Variants in LRBA observed in about 807,000 individuals in gnomAD.
LRBA encodes the protein lipopolysaccharide-responsive and beige-like anchor protein.
Under a neutral mutation model 330.0 loss-of-function variants are expected in LRBA, and 176 were observed. The ratio of observed to expected loss-of-function variants is 0.53; its 90% CI spans 0.47 to 0.60. The LOEUF (loss-of-function observed/expected upper bound fraction) is 0.60, where lower values mean the gene tolerates loss of function less well. Ranked by LOEUF, LRBA falls within the 20% of genes least tolerant of loss-of-function variation. The probability of loss-of-function intolerance (pLI) is 0.00; values close to 1 mark genes in which losing one functional copy is unlikely to be tolerated. For missense variants in LRBA, 3,259 were observed against 3,444.8 expected (o/e 0.95, Z 1.35); for synonymous variants, 1,230 against 1,193.0 (o/e 1.03, Z -0.64).
chr4:150,522,539 G>C (rs1763028515), intron 40 of LRBA, among the ~76,000 whole-genome samples: 2 of 152,156 alleles, frequency 1.3e-5, no homozygotes, highest in African/African-American at 4.8e-5. Flanking sequence ...CCTGAGGGTA[G>C]ATCTTTTTCA....
At chr4:150,654,673 C>A (rs1780010181) in intron 37 of LRBA, among the ~76,000 whole-genome samples, 1 of 152,162 alleles carries the variant, frequency 6.6e-6, no homozygotes, top group Non-Finnish European at 1.5e-5. Context: ...AGGTATATCT[C>A]CTAATGCTAT....
chr4:150,833,596 A>C (rs2126834478), intron 28 of LRBA, among the ~76,000 whole-genome samples: 1 of 152,354 alleles, frequency 6.6e-6, no homozygotes, highest in South Asian at 2.1e-4. Context: ...TATCTAAAAA[A>C]AACGCACATA....
chr4:150,383,586 T>C (rs754029464), intron 47 of LRBA, among the ~76,000 whole-genome samples: 15 of 152,084 alleles, frequency 9.9e-5, no homozygotes, highest in Non-Finnish European at 1.0e-4. Flanking sequence ...AAACACACTT[T>C]TTTTGAGAAC....
intron 28 of LRBA, among the ~76,000 whole-genome samples, chr4:150,842,151 T>C (rs570727033): frequency 1.3e-5 from 2 of 152,344 alleles, no homozygotes; most frequent in South Asian, 4.1e-4. Flanking sequence ...GTTTGCAGAA[T>C]ATTGTAATAT....
chr4:150,970,739 G>C (rs1245663973), intron 2 of LRBA: 2 of 152,102 alleles, frequency 1.3e-5, no homozygotes, highest in Non-Finnish European at 2.9e-5. Context: ...TAGCTTCAAA[G>C]ATCAGACAAC....
rs1427773012 is a variant in LRBA at position 150,908,867 on chromosome 4, A to C, written c.1162-10T>G. 1 of 1,585,522 alleles carries C rather than the reference A, an allele frequency of 6.3e-7. No individual in the cohort carries two copies. The highest frequency in any genetic ancestry group is 8.6e-7 in the Non-Finnish European group (1 of 1,156,996). On this transcript the variant is annotated splice_polypyrimidine_tract_variant and intron_variant, in intron 9 of 56. Transcript: ENST00000651943. ...TGAATTTAAATGTACCCTAAGAATT[A>C]ATTAAAAACAGTTAAATAGTATGCC...
At chr4:150,421,423 T>A (rs1748779015) in intron 46 of LRBA, among the ~76,000 whole-genome samples, 1 of 150,614 alleles carries the variant, frequency 6.6e-6, no homozygotes, top group Non-Finnish European at 1.5e-5. Flanking sequence ...AGAATGTAAA[T>A]GTTATTTCTT....
At chr4:150,735,584 T>C (rs1399044615) in intron 35 of LRBA, among the ~76,000 whole-genome samples, 2 of 152,214 alleles carry the variant, frequency 1.3e-5, no homozygotes, top group African/African-American at 2.4e-5. Flanking sequence ...AGACTAGCCA[T>C]GTAACAAAAG....
At chr4:150,482,730 T>C (rs565000083) in intron 42 of LRBA, among the ~76,000 whole-genome samples, 21 of 152,230 alleles carry the variant, frequency 1.4e-4, no homozygotes, top group Middle Eastern at 6.8e-3. Context: ...CGAATAGGTA[T>C]GTCATGGGAT....
rs1315657261 is a variant in LRBA at position 150,896,247 on chromosome 4, G to A, written c.2067+147C>T. On this transcript the variant is annotated intron_variant, in intron 16 of 56. Coordinates refer to ENST00000651943, the MANE Select transcript of LRBA (RefSeq NM_001364905.1). The stretch of plus-strand genomic sequence containing the variant: ...TGGTAATAAAGGATATTTAAATAAA[G>A]ATTGCTAGGGCTTAGTTCCTAAGTA... The A allele has an allele frequency of 8.3e-6, 4 of 480,824 alleles. No individual in the cohort carries two copies. The Admixed American group carries it at 1.3e-4, about 15-fold the overall frequency. 29.8% of individuals were successfully genotyped at this position (480,824 alleles called of 1,614,324 possible).
chr4:150,351,638 G>A (rs1248697492), intron 47 of LRBA, among the ~76,000 whole-genome samples: 2 of 152,026 alleles, frequency 1.3e-5, no homozygotes, highest in Non-Finnish European at 2.9e-5. Flanking sequence ...GCAGTGAGCC[G>A]AGATCGCGCC....
chr4:150,781,519 C>A (rs1738228702), intron 34 of LRBA, among the ~76,000 whole-genome samples: 1 of 152,236 alleles, frequency 6.6e-6, no homozygotes, highest in Admixed American at 6.5e-5. Context: ...CCGCTCACCT[C>A]CTGCATGGCC....
chr4:150,910,526 T>C (rs112481855), intron 9 of LRBA, among the ~76,000 whole-genome samples: 2 of 152,298 alleles, frequency 1.3e-5, no homozygotes, highest in African/African-American at 4.8e-5. Flanking sequence ...TCCCTTGGCC[T>C]ATGTGTCTAA....
At chr4:150,643,188 A>T (rs1290068107) in intron 37 of LRBA, among the ~76,000 whole-genome samples, 1 of 151,978 alleles carries the variant, frequency 6.6e-6, no homozygotes, top group African/African-American at 2.4e-5. Flanking sequence ...ATGAATAACC[A>T]TTCCATTTTA....
chr4:150,470,930 A>G (rs1756048007), intron 43 of LRBA, among the ~76,000 whole-genome samples: 1 of 151,210 alleles, frequency 6.6e-6, no homozygotes, highest in Non-Finnish European at 1.5e-5. Flanking sequence ...TAGCCACCCA[A>G]ATTTATCTTA....
chr4:150,516,218 T>TC (rs1762341000), intron 40 of LRBA, among the ~76,000 whole-genome samples: 2 of 11,642 alleles, frequency 1.7e-4, no homozygotes, highest in African/African-American at 3.3e-4. Flanking sequence ...TTCTATTCTC[T>TC]TTTTTTTTTT....
chr4:150,944,704 T>C (rs1736053530), intron 2 of LRBA, among the ~76,000 whole-genome samples: 1 of 152,164 alleles, frequency 6.6e-6, no homozygotes, highest in African/African-American at 2.4e-5. Flanking sequence ...GTGAAAAAAA[T>C]TCGAGTGGCT....
chr4:150,964,796 G>A (rs1407746075), intron 2 of LRBA, among the ~76,000 whole-genome samples: 1 of 151,650 alleles, frequency 6.6e-6, no homozygotes, highest in Non-Finnish European at 1.5e-5. Flanking sequence ...CCCCCTCTCT[G>A]AGAAACACCC....
chr4:150,862,387 G>T (rs553931979), intron 22 of LRBA, among the ~76,000 whole-genome samples: 49 of 152,256 alleles, frequency 3.2e-4, no homozygotes, highest in African/African-American at 1.1e-3. Flanking sequence ...TAGGGACATG[G>T]ATGAAACTGG....
Sources: allele counts gnomAD v4.1 joint callset (sites outside exome capture counted in the v4.1 genomes callset), GRCh38; gene constraint gnomAD v4.1.1; transcripts MANE v1.5; gene names NCBI Gene and HGNC (gene_info 2026-07-23, HGNC 2026-07-21).